Variants in FAM178B observed in about 807,000 individuals in gnomAD.
FAM178B encodes the protein family with sequence similarity 178 member B, also known as protein FAM178B.
In FAM178B, 82 loss-of-function variants were observed where a neutral mutation model predicts 91.7. That is an observed-to-expected ratio of 0.89 (90% confidence interval 0.75 to 1.07). FAM178B has a LOEUF of 1.07. Ranked by LOEUF, FAM178B falls within the 50% of genes least tolerant of loss-of-function variation. The pLI is 0.00. For missense variants in FAM178B, 769 were observed against 846.7 expected, an observed-to-expected ratio of 0.91 and a Z score of 1.14; for synonymous variants, 368 against 359.4, an observed-to-expected ratio of 1.02 and a Z score of -0.27.
intron 12 of FAM178B, among the ~76,000 whole-genome samples, chr2:96,906,481 C>G (rs1340567635): frequency 6.6e-6 from 1 of 152,172 alleles, no homozygotes; most frequent in Admixed American, 6.5e-5. Context: ...CTGATGTGAA[C>G]CATCGTGGGG....
rs1473134585 is a variant in FAM178B at position 96,901,880 on chromosome 2, CCTCTGCCTCCTGGGTTCAAGAAATT to C, written c.1650+715_1650+739del. ...TATTTGAATTAAATGCTCACTGCAA[CCTCTGCCTCCTGGGTTCAAGAAATT>C]CTCTGCCTCAACCTCCCAAGTAGCT... On this transcript the variant is annotated intron_variant, in intron 13 of 16. Transcript: ENST00000490605. 1.5e-3 allele frequency among the ~76,000 whole-genome samples: 235 copies of C among 152,242 alleles called. 1 individual carries two copies. The highest frequency in any genetic ancestry group is 5.6e-3 in the African/African-American group (231 of 41,534).
chr2:96,963,355 A>G (rs989490125), intron 5 of FAM178B, among the ~76,000 whole-genome samples: 1 of 152,244 alleles, frequency 6.6e-6, no homozygotes, highest in African/African-American at 2.4e-5. Context: ...GCTTTCATCA[A>G]ATATAATGCT....
intron 13 of FAM178B, among the ~76,000 whole-genome samples, chr2:96,896,370 C>A (rs1304505000): frequency 6.6e-6 from 1 of 152,240 alleles, no homozygotes; most frequent in African/African-American, 2.4e-5. Context: ...TTGTTTCCAT[C>A]TCTGGATGCT....
At chr2:96,905,836 ATATATATATATATATATATATATATT>A (rs1254980033) in intron 12 of FAM178B, among the ~76,000 whole-genome samples, 3 of 28,484 alleles carry the variant, frequency 1.1e-4, no homozygotes, top group Non-Finnish European at 1.8e-4. Flanking sequence ...ATATATATAT[ATATATATATATATATATATATATATT>A]TTTTTTTTTT....
chr2:96,894,566 C>T (rs1288325032), intron 13 of FAM178B, among the ~76,000 whole-genome samples: 2 of 118,924 alleles, frequency 1.7e-5, no homozygotes, highest in African/African-American at 6.7e-5. Context: ...CCACACACCC[C>T]CACCCACATC....
intron 12 of FAM178B, among the ~76,000 whole-genome samples, chr2:96,913,121 T>C (rs2081186825): frequency 6.6e-6 from 1 of 152,184 alleles, no homozygotes; most frequent in Non-Finnish European, 1.5e-5. Context: ...GCAGAAGGTT[T>C]TGGGAGAGGC....
intron 8 of FAM178B, among the ~76,000 whole-genome samples, chr2:96,943,399 T>G (rs966342483): frequency 6.6e-6 from 1 of 152,212 alleles, no homozygotes; most frequent in Non-Finnish European, 1.5e-5. Flanking sequence ...TTATCAGCGC[T>G]TTCAAGGTTC....
intron 6 of FAM178B, among the ~76,000 whole-genome samples, chr2:96,955,920 C>T (rs896665000): frequency 2.0e-5 from 3 of 152,200 alleles, no homozygotes; most frequent in African/African-American, 4.8e-5. Context: ...GCCGGGCCTC[C>T]GGGAGAAGCT....
At chr2:96,911,105 T>G (rs2081149054) in intron 12 of FAM178B, among the ~76,000 whole-genome samples, 1 of 152,066 alleles carries the variant, frequency 6.6e-6, no homozygotes. Flanking sequence ...TCTTTATGCT[T>G]CTTTGAAATC....
At chr2:96,931,608 G>C (rs367573533) in intron 8 of FAM178B, among the ~76,000 whole-genome samples, 1 of 152,142 alleles carries the variant, frequency 6.6e-6, no homozygotes, top group South Asian at 2.1e-4. Flanking sequence ...GGGCTGCTGC[G>C]GGGTGGGGAC....
chr2:96,893,898 G>A, intron 14 of FAM178B, 28 bp downstream of exon 14: 1 of 1,604,062 alleles, frequency 6.2e-7, no homozygotes, highest in Non-Finnish European at 8.5e-7. Flanking sequence ...CCGTGGTGGA[G>A]GCAGGCGGGT....
intron 12 of FAM178B, among the ~76,000 whole-genome samples, chr2:96,920,715 C>T (rs763396820): frequency 8.5e-5 from 13 of 152,160 alleles, no homozygotes; most frequent in African/African-American, 2.2e-4. Context: ...GAGGTAACTT[C>T]GAGGAAAGCC....
rs767595027 is a variant in FAM178B at position 96,893,992 on chromosome 2, C to A, written c.1710G>T (p.Leu570=). Residue 570 remains leucine (L), a synonymous_variant, in exon 14 of 17, where the codon CTG becomes CTT. Transcript: ENST00000490605. ...GGCAGGGTGGCAAGGGCACAGAGTC[C>A]AGGTATTGCCTGAGAGATGATGGCC... The part of the protein sequence containing the change: ...LMRPSSLRQY[L]DSVPLPPCQE... 5 of 1,612,692 alleles carry A rather than the reference C, an allele frequency of 3.1e-6. No individual in the cohort carries two copies. In the African/African-American group the frequency reaches 6.7e-5, roughly 22 times the overall value.
At chr2:96,919,554 A>G (rs1456994602) in intron 12 of FAM178B, among the ~76,000 whole-genome samples, 3 of 152,176 alleles carry the variant, frequency 2.0e-5, no homozygotes. Flanking sequence ...GGATTTAGGG[A>G]CGAAAGGGGT....
At chr2:96,934,177 G>A (rs1054516738) in intron 8 of FAM178B, among the ~76,000 whole-genome samples, 3 of 152,166 alleles carry the variant, frequency 2.0e-5, no homozygotes, top group Non-Finnish European at 4.4e-5. Flanking sequence ...GACACACAAC[G>A]CACACATGAA....
intron 3 of FAM178B, 111 bp downstream of exon 3, chr2:96,971,790 A>T: frequency 9.2e-7 from 1 of 1,081,932 alleles, no homozygotes; most frequent in Non-Finnish European, 1.3e-6. Flanking sequence ...GAAGTGTCCG[A>T]GGAAGAGCAG....
chr2:96,967,644 G>A lies in FAM178B; in HGVS notation c.627-17C>T. 1 of 1,514,648 alleles carries A rather than the reference G, an allele frequency of 6.6e-7. No homozygotes were observed. The highest frequency in any genetic ancestry group is 1.7e-4 in the Middle Eastern group (1 of 5,828). 93.8% of individuals were successfully genotyped at this position (1,514,648 alleles called of 1,614,324 possible). On this transcript the variant is annotated splice_polypyrimidine_tract_variant and intron_variant, in intron 4 of 16. Transcript: ENST00000490605. ...GCCTGTTCCCTATAGGAAGTCGAGG[G>A]CCAGAGCCGGGGGTCAGTGTTGTTC...
At chr2:96,921,860 G>A (rs184906295) in intron 10 of FAM178B, among the ~76,000 whole-genome samples, 92 of 152,268 alleles carry the variant, frequency 6.0e-4, no homozygotes, top group Admixed American at 1.5e-3. Context: ...TGTCAGAGGC[G>A]TTTGAACCAG....
chr2:96,915,276 A>ATT (rs537449028), intron 12 of FAM178B, among the ~76,000 whole-genome samples: 2 of 143,916 alleles, frequency 1.4e-5, no homozygotes, highest in African/African-American at 5.1e-5. Context: ...TGCCCAGCTA[A>ATT]TTTTTTTTTT....
Sources: allele counts gnomAD v4.1 joint callset (sites outside exome capture counted in the v4.1 genomes callset), GRCh38; gene constraint gnomAD v4.1.1; transcripts MANE v1.5; gene names NCBI Gene and HGNC (gene_info 2026-07-23, HGNC 2026-07-21).